The following JAKMIP2 variants were observed in gnomAD, a reference collection of about 807,000 sequenced individuals.
The protein encoded by JAKMIP2 is janus kinase and microtubule interacting protein 2.
Under a neutral mutation model 115.0 loss-of-function variants are expected in JAKMIP2, and 25 were observed. The observed-to-expected ratio is 0.22, with a 90% confidence interval of 0.16 to 0.30. The LOEUF (loss-of-function observed/expected upper bound fraction) is 0.30. JAKMIP2 is among the 10% of genes least tolerant of loss of function. The pLI is 1.00. For missense variants in JAKMIP2, 642 were observed against 957.6 expected, an observed-to-expected ratio of 0.67 and a Z score of 4.35; for synonymous variants, 334 against 343.6, an observed-to-expected ratio of 0.97 and a Z score of 0.31.
chr5:147,743,186 A>G (rs760244963), intron 1 of JAKMIP2, among the ~76,000 whole-genome samples: 2 of 152,062 alleles, frequency 1.3e-5, no homozygotes, highest in Non-Finnish European at 2.9e-5. Flanking sequence ...CTTTTTTTGG[A>G]TTGCAGGAGG....
rs1425976740 is a variant in JAKMIP2, at chr5:147,601,796, A to G, written c.2428T>C (p.Leu810=). The G allele has an allele frequency of 7.6e-6, 11 of 1,446,398 alleles. No individual in the cohort carries two copies. The highest frequency in any genetic ancestry group is 1.0e-5 in the Non-Finnish European group (11 of 1,058,284). The allele number at this position is 1,446,398 out of a possible 1,614,324, so 89.6% of individuals were successfully genotyped here. The change falls in exon 21 of 22, where the codon TTG becomes CTG. Residue 810 remains leucine, a synonymous_variant. Coordinates refer to ENST00000616793, the MANE Select transcript of JAKMIP2 (RefSeq NM_001270941.2). ...AGAATAAAGGCAAGAGAGAAGAACA[A>G]GAATAGAAACAGAAACTGCAGAAGA... is the stretch of plus-strand genomic sequence containing the variant. The part of the protein sequence containing the change: ...DLEEKFLFLF[L]FFSLAFILWP
intron 2 of JAKMIP2, among the ~76,000 whole-genome samples, chr5:147,663,243 T>A (rs1759126069): frequency 6.6e-6 from 1 of 152,000 alleles, no homozygotes; most frequent in Non-Finnish European, 1.5e-5. Flanking sequence ...TGTTTCTGAG[T>A]GTGTTTGTGA....
intron 1 of JAKMIP2, among the ~76,000 whole-genome samples, chr5:147,715,947 A>C (rs1752966507): frequency 7.2e-6 from 1 of 138,032 alleles, no homozygotes; most frequent in African/African-American, 2.7e-5. Context: ...GCACCCACTA[A>C]CTCGTCATCT....
intron 1 of JAKMIP2, among the ~76,000 whole-genome samples, chr5:147,678,321 C>T (rs1760084305): frequency 6.6e-6 from 1 of 152,120 alleles, no homozygotes; most frequent in Non-Finnish European, 1.5e-5. Flanking sequence ...CCCGCTTAAT[C>T]ACCATTCCAC....
intron 1 of JAKMIP2, among the ~76,000 whole-genome samples, chr5:147,689,988 G>A (rs1047728746): frequency 3.3e-5 from 5 of 152,106 alleles, no homozygotes; most frequent in South Asian, 2.1e-4. Context: ...ACTTCATGAC[G>A]ATCTAGCCCA....
Position 147,751,604 on chromosome 5 carries a change from G to C in JAKMIP2, c.-149+30852C>G, listed in dbSNP as rs189579688. Among the ~76,000 whole-genome samples, 3 of 145,584 alleles carry C rather than the reference G, an allele frequency of 2.1e-5. No individual in the cohort carries two copies. The East Asian group carries it at 6.2e-4, about 30-fold the overall frequency. On this transcript the variant is annotated intron_variant, in intron 1 of 21. Coordinates refer to ENST00000616793, the MANE Select transcript of JAKMIP2 (RefSeq NM_001270941.2). ...ACCTCCCTCTAGACATTAAGCAAGG[G>C]CACAGGGCCACAGGGAGACAAAGAC...
chr5:147,615,827 T>C (rs1756545776), intron 19 of JAKMIP2, among the ~76,000 whole-genome samples: 1 of 152,168 alleles, frequency 6.6e-6, no homozygotes, highest in African/African-American at 2.4e-5. Flanking sequence ...TTTAAAAGTT[T>C]GACTGAATAA....
Position 147,648,438 on chromosome 5 carries a change from T to A in JAKMIP2, c.874A>T (p.Asn292Tyr). 1 of 1,608,428 alleles carries A rather than the reference T, an allele frequency of 6.2e-7. No individual in the cohort carries two copies. Among genetic ancestry groups the A allele is most frequent in the Non-Finnish European group, 8.5e-7 (1 of 1,175,458 alleles). ...RRNQKRIAEL[N>Y]ATIRKLEDRN... ...TCTTCTAATTTTCTTATAGTGGCAT[T>A]CAATTCAGCTATTCTCTTTTGATTT... is the stretch of plus-strand genomic sequence containing the variant. Residue 292 changes from asparagine (N) to tyrosine (Y), a missense_variant, in exon 5 of 22, where the codon AAT (asparagine) becomes TAT (tyrosine). Physicochemically the swap from Asn to Tyr is moderately radical, Grantham distance 143 (BLOSUM62 -2). Transcript: ENST00000616793.
chr5:147,742,867 T>TA (rs3214609), intron 1 of JAKMIP2, among the ~76,000 whole-genome samples: 18,390 of 151,368 alleles, frequency 0.12, 1,598 homozygotes, highest in East Asian at 0.38. Flanking sequence ...ACTAATGACT[T>TA]AAAAAAAAAG....
intron 1 of JAKMIP2, among the ~76,000 whole-genome samples, chr5:147,719,345 CT>C: frequency 7.3e-6 from 1 of 136,688 alleles, no homozygotes; most frequent in Non-Finnish European, 1.5e-5. Flanking sequence ...GTGGAGAGTT[CT>C]GTAGATGTCT....
intron 1 of JAKMIP2, among the ~76,000 whole-genome samples, chr5:147,762,774 C>A (rs1754974561): frequency 6.6e-6 from 1 of 152,028 alleles, no homozygotes; most frequent in South Asian, 2.1e-4. Flanking sequence ...TTCCCAATTT[C>A]TGTTGGTATA....
intron 1 of JAKMIP2, among the ~76,000 whole-genome samples, chr5:147,674,419 T>G (rs1456070129): frequency 2.0e-5 from 3 of 152,160 alleles, no homozygotes; most frequent in Admixed American, 6.5e-5. Flanking sequence ...CTTTTCTAAA[T>G]GCAGATATGA....
intron 1 of JAKMIP2, among the ~76,000 whole-genome samples, chr5:147,780,293 G>A (rs778745581): frequency 1.4e-4 from 21 of 152,104 alleles, no homozygotes; most frequent in Non-Finnish European, 2.6e-4. Context: ...GGAGTTTTAA[G>A]CACATGGCCT....
chr5:147,771,001 T>C (rs1755332846), intron 1 of JAKMIP2, among the ~76,000 whole-genome samples: 1 of 152,092 alleles, frequency 6.6e-6, no homozygotes, highest in Non-Finnish European at 1.5e-5. Context: ...GAAAGTGTGT[T>C]TATGTGGGCT....
chr5:147,631,781 C>T (rs1757363168), intron 13 of JAKMIP2, among the ~76,000 whole-genome samples: 1 of 152,184 alleles, frequency 6.6e-6, no homozygotes, highest in Admixed American at 6.5e-5. Flanking sequence ...CCAGTTTAAA[C>T]TGTATGAATA....
chr5:147,616,726 T>C (rs947584713), intron 19 of JAKMIP2, among the ~76,000 whole-genome samples: 3 of 152,180 alleles, frequency 2.0e-5, no homozygotes, highest in African/African-American at 7.2e-5. Context: ...CAAACTTTTG[T>C]GATGGAATCT....
intron 1 of JAKMIP2, among the ~76,000 whole-genome samples, chr5:147,781,769 T>A (rs950813957): frequency 2.0e-5 from 3 of 152,224 alleles, no homozygotes; most frequent in African/African-American, 7.2e-5. Flanking sequence ...AGGACATATG[T>A]AACCCATAAA....
chr5:147,778,756 T>C (rs1022108709), intron 1 of JAKMIP2, among the ~76,000 whole-genome samples: 1 of 152,116 alleles, frequency 6.6e-6, no homozygotes, highest in Non-Finnish European at 1.5e-5. Context: ...GTGATGGTAC[T>C]AATTACAACT....
intron 15 of JAKMIP2, among the ~76,000 whole-genome samples, chr5:147,629,052 A>G (rs1418229946): frequency 1.3e-5 from 2 of 152,176 alleles, no homozygotes; most frequent in African/African-American, 4.8e-5. Flanking sequence ...GTGTCACTGG[A>G]GGCATACTTT....
Sources: allele counts gnomAD v4.1 joint callset (sites outside exome capture counted in the v4.1 genomes callset), GRCh38; gene constraint gnomAD v4.1.1; transcripts MANE v1.5; gene names NCBI Gene and HGNC (gene_info 2026-07-23, HGNC 2026-07-21).